The following TENM2 variants were observed in gnomAD, a reference collection of about 807,000 sequenced individuals.
TENM2 encodes the protein teneurin-2.
TENM2 carries 52 observed loss-of-function variants against 245.2 expected under a neutral mutation model. The ratio of observed to expected loss-of-function variants is 0.21; its 90% CI spans 0.17 to 0.27. The LOEUF (loss-of-function observed/expected upper bound fraction) is 0.27, where lower values mean the gene tolerates loss of function less well. Ranked by LOEUF, TENM2 falls within the 10% of genes least tolerant of loss-of-function variation. The pLI is 1.00. For missense variants in TENM2, 3,046 were observed against 3,666.8 expected, an observed-to-expected ratio of 0.83 and a Z score of 4.37; for synonymous variants, 1,363 against 1,438.9, an observed-to-expected ratio of 0.95 and a Z score of 1.19.
rs565998010 is a variant in TENM2, at chr5:167,920,043, G to T, written c.713-32545G>T. 3.9e-5 allele frequency among the ~76,000 whole-genome samples: 6 copies of T among 152,218 alleles called. No individual in the cohort carries two copies. In the South Asian group the frequency reaches 6.2e-4, roughly 16 times the overall value. On this transcript the variant is annotated intron_variant, in intron 3 of 28. Coordinates refer to ENST00000518659, the Ensembl canonical transcript of TENM2. ...GATTGTTCTGGGATGAGTCCATCTGGCAGGAAAGGAGATGGGAATAGAGAG... is the reference window on the plus strand; with the variant it reads ...GATTGTTCTGGGATGAGTCCATCTGTCAGGAAAGGAGATGGGAATAGAGAG...
At chr5:168,142,974 T>C (rs1051873751) in intron 12 of TENM2, among the ~76,000 whole-genome samples, 1 of 152,180 alleles carries the variant, frequency 6.6e-6, no homozygotes, top group African/African-American at 2.4e-5. Flanking sequence ...CCACACTGCA[T>C]CTAAAAATAG....
At chr5:167,955,771 T>C (rs1362466907) in intron 4 of TENM2, among the ~76,000 whole-genome samples, 1 of 152,176 alleles carries the variant, frequency 6.6e-6, no homozygotes, top group East Asian at 1.9e-4. Flanking sequence ...AAAGATCAGA[T>C]GGTTGTAGAT....
the TENM2 span, among the ~76,000 whole-genome samples, chr5:167,050,369 G>A: frequency 2.0e-5 from 3 of 152,072 alleles, no homozygotes; most frequent in Admixed American, 6.5e-5. Flanking sequence ...CTCATGATCC[G>A]AGGTGGAACA....
intron 2 of TENM2, among the ~76,000 whole-genome samples, chr5:167,719,959 G>A (rs1039420164): frequency 4.6e-5 from 7 of 152,064 alleles, no homozygotes; most frequent in Non-Finnish European, 1.0e-4. Context: ...TCCACTGCAT[G>A]CAAAGGATAA....
chr5:167,803,044 C>T (rs1024196185), intron 2 of TENM2, among the ~76,000 whole-genome samples: 2 of 152,034 alleles, frequency 1.3e-5, no homozygotes, highest in African/African-American at 4.8e-5. Flanking sequence ...AACCTAAATG[C>T]TTGATGTAGG....
chr5:168,218,560 A>G lies in TENM2; in HGVS notation c.4669A>G (p.Ile1557Val), dbSNP rs760722149. 6.2e-7 allele frequency: 1 copy of G among 1,614,010 alleles called. No homozygotes were observed. The highest frequency in any genetic ancestry group is 8.5e-7 in the Non-Finnish European group (1 of 1,179,898). ...CTTAGCTGTAGCTCCAGATGGTACC[A>G]TTTACATTGCAGACCTTGGAAATAT... Residue 1557 changes from isoleucine to valine, a missense_variant, in exon 23 of 29, where the codon ATT (isoleucine) becomes GTT (valine). By Grantham distance (29) the Ile-to-Val change is conservative. Coordinates refer to ENST00000518659, the Ensembl canonical transcript of TENM2. This position sits in a 1 kb window ranked among gnomAD's most constrained non-coding sequence, Gnocchi z 5.2.
At chr5:167,032,826 C>T in the TENM2 span, among the ~76,000 whole-genome samples, 2 of 151,918 alleles carry the variant, frequency 1.3e-5, no homozygotes, top group Admixed American at 1.3e-4. Context: ...ATTTACATAC[C>T]TTATTTCTAA....
chr5:167,651,153 T>C (rs1754438852), intron 2 of TENM2, among the ~76,000 whole-genome samples: 1 of 151,848 alleles, frequency 6.6e-6, no homozygotes, highest in Non-Finnish European at 1.5e-5. Context: ...AAGAACTACC[T>C]TGCACACTAA....
chr5:167,923,909 T>C (rs2151651909), intron 3 of TENM2, among the ~76,000 whole-genome samples: 1 of 152,190 alleles, frequency 6.6e-6, no homozygotes, highest in East Asian at 1.9e-4. Context: ...AATAAAGAGA[T>C]AAGGTGTGAC....
the TENM2 span, among the ~76,000 whole-genome samples, chr5:167,009,834 T>C: frequency 6.6e-6 from 1 of 152,228 alleles, no homozygotes. Flanking sequence ...TTTCCATCCA[T>C]CACATTGGTT....
At chr5:168,226,538 G>GC (rs1208431129) in intron 24 of TENM2, among the ~76,000 whole-genome samples, 1 of 151,452 alleles carries the variant, frequency 6.6e-6, no homozygotes. Flanking sequence ...ATTTCCACCC[G>GC]CCCCCCACAT....
intron 2 of TENM2, among the ~76,000 whole-genome samples, chr5:167,572,636 C>T (rs1392468891): frequency 6.6e-6 from 1 of 152,108 alleles, no homozygotes; most frequent in Non-Finnish European, 1.5e-5. Flanking sequence ...TAAAAGAGGT[C>T]ACTTAGGGAA....
chr5:167,227,583 C>T, the TENM2 span, among the ~76,000 whole-genome samples: 154 of 152,194 alleles, frequency 1.0e-3, no homozygotes, highest in African/African-American at 3.3e-3. Context: ...ATATATCATC[C>T]CATTCTTTCC....
At chr5:167,522,833 C>G (rs568202718) in intron 2 of TENM2, among the ~76,000 whole-genome samples, 2 of 151,506 alleles carry the variant, frequency 1.3e-5, no homozygotes, top group Non-Finnish European at 2.9e-5. Flanking sequence ...AAAAAAAAAG[C>G]AAGTGATTTC....
intron 25 of TENM2, among the ~76,000 whole-genome samples, chr5:168,230,635 C>G (rs954622982): frequency 2.0e-5 from 3 of 152,074 alleles, no homozygotes; most frequent in Admixed American, 2.0e-4. Flanking sequence ...CTCTCCCTAT[C>G]TATCTATCTT....
the TENM2 span, among the ~76,000 whole-genome samples, chr5:166,985,525 C>A: frequency 6.6e-6 from 1 of 152,130 alleles, no homozygotes; most frequent in East Asian, 1.9e-4. Flanking sequence ...GGCTCCACAA[C>A]TTGTGTGACC....
chr5:166,988,067 T>C, the TENM2 span, among the ~76,000 whole-genome samples: 3 of 152,222 alleles, frequency 2.0e-5, no homozygotes, highest in Admixed American at 2.0e-4. Context: ...TGAAAGTGGA[T>C]GGCAAAGGCA....
intron 2 of TENM2, among the ~76,000 whole-genome samples, chr5:167,621,890 A>G (rs1035580821): frequency 1.3e-5 from 2 of 152,112 alleles, no homozygotes; most frequent in Non-Finnish European, 2.9e-5. Flanking sequence ...TGCATTTTCA[A>G]CAAATTCTAA....
intron 2 of TENM2, among the ~76,000 whole-genome samples, chr5:167,745,056 C>G (rs1040740404): frequency 6.6e-6 from 1 of 152,118 alleles, no homozygotes; most frequent in South Asian, 2.1e-4. Flanking sequence ...CAACCAACAG[C>G]CCCTATATAG....
Sources: gnomAD v4.1 joint callset for allele counts (sites outside exome capture counted in the v4.1 genomes callset) on GRCh38, gnomAD v4.1.1 for gene constraint, Gnocchi (gnomAD v3.1) non-coding constraint, MANE v1.5 for transcripts, NCBI Gene and HGNC (gene_info 2026-07-23, HGNC 2026-07-21) for gene names.